Variants in ATP5PO observed in about 807,000 individuals in gnomAD.
ATP5PO encodes the protein ATP synthase peripheral stalk subunit OSCP, mitochondrial.
ATP5PO carries 14 observed loss-of-function variants against 26.2 expected under a neutral mutation model. That is an observed-to-expected ratio of 0.53 (90% CI 0.35 to 0.83). The LOEUF is 0.83. ATP5PO is among the 40% of genes least tolerant of loss of function. The probability of loss-of-function intolerance (pLI) is 0.01; values close to 1 mark genes in which losing one functional copy is unlikely to be tolerated. For missense variants in ATP5PO, 241 were observed against 258.5 expected, an observed-to-expected ratio of 0.93 and a Z score of 0.46; for synonymous variants, 106 against 95.1, an observed-to-expected ratio of 1.12 and a Z score of -0.67.
chr21:33,903,819 T>G, intron 6 of ATP5PO, 116 bp downstream of exon 6: 1 of 1,146,012 alleles, frequency 8.7e-7, no homozygotes, highest in Non-Finnish European at 1.2e-6. Flanking sequence ...AATACAAAAT[T>G]TTAACTACAG....
chr21:33,914,398 G>A (rs1297328702), intron 2 of ATP5PO, 52 bp downstream of exon 2: 13 of 1,555,458 alleles, frequency 8.4e-6, no homozygotes, highest in Non-Finnish European at 1.1e-5. Context: ...ACTGCTGTTT[G>A]ACTCACACTT....
intron 5 of ATP5PO, among the ~76,000 whole-genome samples, chr21:33,904,563 C>T (rs1602769011): frequency 6.6e-6 from 1 of 152,180 alleles, no homozygotes; most frequent in East Asian, 1.9e-4. Flanking sequence ...CTCTGAACCC[C>T]AGTGAGAGAA....
intron 5 of ATP5PO, among the ~76,000 whole-genome samples, chr21:33,904,665 G>A (rs1301667369): frequency 1.3e-5 from 2 of 152,194 alleles, no homozygotes; most frequent in South Asian, 2.1e-4. Flanking sequence ...CTCTCCTCTC[G>A]GCCCCAACTC....
chr21:33,911,662 G>GTTTTTTTTTTTTTTT (rs58774588), intron 3 of ATP5PO, among the ~76,000 whole-genome samples: 3 of 92,092 alleles, frequency 3.3e-5, no homozygotes, highest in African/African-American at 4.1e-5. Flanking sequence ...ATAAGCATAG[G>GTTTTTTTTTTTTTTT]TTTTTTTTTT....
chr21:33,911,185 AGAAAATTCGGT>A (rs1282961567), intron 3 of ATP5PO, among the ~76,000 whole-genome samples: 2 of 152,232 alleles, frequency 1.3e-5, no homozygotes, highest in Non-Finnish European at 2.9e-5. Context: ...CTTGTTAACT[AGAAAATTCGGT>A]GAAAACGAAA....
At chr21:33,909,832 T>G (rs1489556771) in intron 3 of ATP5PO, among the ~76,000 whole-genome samples, 1 of 152,200 alleles carries the variant, frequency 6.6e-6, no homozygotes, top group Non-Finnish European at 1.5e-5. Flanking sequence ...TTTAATATAT[T>G]TAAGAGAGGA....
intron 5 of ATP5PO, chr21:33,906,995 A>G (rs1259372347): frequency 2.9e-6 from 1 of 344,404 alleles, no homozygotes; most frequent in Non-Finnish European, 5.7e-6. Context: ...TCTCAAAAAA[A>G]TAAACTCTAG....
chr21:33,914,844 C>G (rs1987293762), intron 1 of ATP5PO: 1 of 205,556 alleles, frequency 4.9e-6, no homozygotes, highest in African/African-American at 2.3e-5. Flanking sequence ...TTAACAGACC[C>G]TTGAGCAGAT....
intron 2 of ATP5PO, among the ~76,000 whole-genome samples, chr21:33,912,935 T>C (rs1987267888): frequency 6.6e-6 from 1 of 152,258 alleles, no homozygotes; most frequent in African/African-American, 2.4e-5. Flanking sequence ...CAAAAAAACC[T>C]GATGCTTGAA....
intron 3 of ATP5PO, 88 bp from the exon 4 acceptor site, chr21:33,909,299 G>C: frequency 6.9e-7 from 1 of 1,440,534 alleles, no homozygotes; most frequent in South Asian, 1.3e-5. Flanking sequence ...TTCTTTTTTG[G>C]AGACAACGTC....
Position 33,903,999 on chromosome 21 carries a change from G to C in ATP5PO, c.464C>G (p.Ser155Cys), listed in dbSNP as rs1269359336. ...GCTCTTGAGGACAGTTTTTAATTCAGAGAGTGTGGCTTCTTCTAAAGGCTG... is the reference window on the plus strand; with the variant it reads ...GCTCTTGAGGACAGTTTTTAATTCACAGAGTGTGGCTTCTTCTAAAGGCTG... The part of the protein sequence containing the change: ...SASPLEEATL[S>C]ELKTVLKSFL... The change falls in exon 6 of 7, where the codon TCT becomes TGT. Residue 155 changes from serine (S) to cysteine (C), a missense_variant. Around this residue, in one of 3 missense-constraint regions of ATP5PO, gnomAD observed 77 missense variants for 74.5 expected, o/e 1.03. Coordinates refer to ENST00000290299, the MANE Select transcript of ATP5PO (RefSeq NM_001697.3). 2 of 1,613,174 alleles carry C rather than the reference G, an allele frequency of 1.2e-6. No homozygotes were observed. Among genetic ancestry groups the C allele is most frequent in the Non-Finnish European group, 8.5e-7 (1 of 1,179,654 alleles).
At chr21:33,915,269 T>C (rs1357308813) in intron 1 of ATP5PO, 1 of 172,414 alleles carries the variant, frequency 5.8e-6, no homozygotes, top group African/African-American at 2.4e-5. Context: ...ACTTACTGAC[T>C]GAGCAGCCAA....
At chr21:33,903,766 A>C in intron 6 of ATP5PO, 127 bp from the exon 7 acceptor site, 1 of 1,152,874 alleles carries the variant, frequency 8.7e-7, no homozygotes, top group South Asian at 1.5e-5. Flanking sequence ...GAAAAAGGCA[A>C]AAGTAAAACT....
chr21:33,905,936 A>AAAAAAAAAAAAAAAAAAC (rs1987166397), intron 5 of ATP5PO, among the ~76,000 whole-genome samples: 1 of 150,950 alleles, frequency 6.6e-6, no homozygotes, highest in African/African-American at 2.4e-5. Context: ...AAAAAAAAAA[A>AAAAAAAAAAAAAAAAAAC]AAGAAAATCA....
At chr21:33,915,658 G>A in intron 1 of ATP5PO, 70 bp downstream of exon 1, 1 of 1,534,542 alleles carries the variant, frequency 6.5e-7, no homozygotes, top group Non-Finnish European at 8.8e-7. Flanking sequence ...GCACCCTGGT[G>A]CTCGAGGTTT....
At chr21:33,913,247 G>C (rs1198144491) in intron 2 of ATP5PO, among the ~76,000 whole-genome samples, 1 of 152,154 alleles carries the variant, frequency 6.6e-6, no homozygotes, top group Non-Finnish European at 1.5e-5. Context: ...TAATGAGGAC[G>C]GGACAGGATA....
At chr21:33,908,181 A>G (rs1190017182) in intron 4 of ATP5PO, among the ~76,000 whole-genome samples, 7 of 151,920 alleles carry the variant, frequency 4.6e-5, no homozygotes, top group Non-Finnish European at 8.8e-5. Context: ...AAAAAAAAAA[A>G]AAAAAAAAAG....
intron 2 of ATP5PO, among the ~76,000 whole-genome samples, chr21:33,913,845 T>C (rs1987279486): frequency 6.6e-6 from 1 of 152,038 alleles, no homozygotes; most frequent in Non-Finnish European, 1.5e-5. Context: ...AGTGGCATGA[T>C]CTCTGCTCAC....
intron 5 of ATP5PO, among the ~76,000 whole-genome samples, chr21:33,904,960 C>T (rs1229868048): frequency 6.6e-6 from 1 of 152,074 alleles, no homozygotes; most frequent in Non-Finnish European, 1.5e-5. Context: ...AGACTGGTCT[C>T]GAACTCCTGG....
Sources: allele counts gnomAD v4.1 joint callset (sites outside exome capture counted in the v4.1 genomes callset), GRCh38; gene constraint gnomAD v4.1.1; regional missense constraint gnomAD v4.1.1; transcripts MANE v1.5; gene names NCBI Gene and HGNC (gene_info 2026-07-23, HGNC 2026-07-21).